Variants in EPOR observed in about 807,000 individuals in gnomAD.
EPOR encodes the protein erythropoietin receptor.
EPOR carries 20 observed loss-of-function variants against 34.3 expected under a neutral mutation model. That is an observed-to-expected ratio of 0.58 (90% confidence interval 0.41 to 0.85). The LOEUF (loss-of-function observed/expected upper bound fraction) is 0.85, where lower values mean the gene tolerates loss of function less well. Ranked by LOEUF, EPOR falls within the 40% of genes least tolerant of loss-of-function variation. The pLI is 0.00. For missense variants in EPOR, 601 were observed against 672.7 expected (o/e 0.89, Z 1.18); for synonymous variants, 312 against 299.0 (o/e 1.04, Z -0.45).
At position 11,383,022 on chromosome 19, in the gene EPOR, G is replaced by A. The variant is rs1395292203; in HGVS notation, c.251+75C>T. On this transcript the variant is annotated intron_variant, in intron 2 of 7. Coordinates refer to ENST00000222139, the MANE Select transcript of EPOR (RefSeq NM_000121.4). This position sits in a 1 kb window ranked among gnomAD's most constrained non-coding sequence, Gnocchi z 4.9. Reference sequence around the variant, plus strand: ...GGGCCTCAAACAGCAGGGGACATACGAGGCTACGACCTCCAGGGAGCTCTG... The same window carrying A: ...GGGCCTCAAACAGCAGGGGACATACAAGGCTACGACCTCCAGGGAGCTCTG... 6.2e-7 allele frequency: 1 copy of A among 1,608,020 alleles called. No individual in the cohort carries two copies. Among genetic ancestry groups the A allele is most frequent in the Non-Finnish European group, 8.5e-7 (1 of 1,179,412 alleles).
chr19:11,378,339 C>G lies in EPOR; in HGVS notation c.1172G>C (p.Ser391Thr). Residue 391 changes from serine (S) to threonine (T), a missense_variant, in exon 8 of 8, where the codon AGT becomes ACT. Transcript: ENST00000222139. This position sits in a 1 kb window ranked among gnomAD's most constrained non-coding sequence, Gnocchi z 5.3. ...TTCATCCATGGCCACTATGTCCACA[C>G]TGCCACCAGGCCCTGGGAGGTCCTC... ...PSEDLPGPGG[S>T]VDIVAMDEGS... is the part of the protein sequence containing the mutation. The G allele has an allele frequency of 6.2e-7, 1 of 1,613,444 alleles. No homozygotes were observed. The highest frequency in any genetic ancestry group is 8.5e-7 in the Non-Finnish European group (1 of 1,180,030).
In EPOR at chr19:11,377,463, G is replaced by A. The variant is rs1385280137; in HGVS notation, c.*521C>T. 1 of 454,088 alleles carries A rather than the reference G, an allele frequency of 2.2e-6. No homozygotes were observed. The highest frequency in any genetic ancestry group is 2.3e-5 in the Admixed American group (1 of 42,568). 28.1% of individuals were successfully genotyped at this position (454,088 alleles called of 1,614,324 possible). A position where few individuals can be genotyped will look rare whatever the true frequency, so the allele number is the denominator to read the frequency against. ...TGCTGACTGGCAGTTTGTAGAACAG[G>A]GGATCCATCTAAGTACCCTAAGAGA... On this transcript the variant is annotated 3_prime_UTR_variant, in exon 8 of 8. Transcript: ENST00000222139.
rs1968305422 is a variant in EPOR, at chr19:11,378,050, G to A, written c.1461C>T (p.Asn487=). The change falls in exon 8 of 8, where the codon AAC becomes AAT. Residue 487 remains asparagine, a synonymous_variant. Coordinates refer to ENST00000222139, the MANE Select transcript of EPOR (RefSeq NM_000121.4). This position sits in a 1 kb window ranked among gnomAD's most constrained non-coding sequence, Gnocchi z 5.3. The part of the protein sequence containing the change: ...QGGLSDGPYS[N]PYENSLIPAA... Reference sequence around the variant, plus strand: ...CTGGGATAAGGCTGTTCTCATAAGGGTTGGAGTAGGGGCCATCGGATAAGC... The same window carrying A: ...CTGGGATAAGGCTGTTCTCATAAGGATTGGAGTAGGGGCCATCGGATAAGC... 6.2e-7 allele frequency: 1 copy of A among 1,614,188 alleles called. No homozygotes were observed. Among genetic ancestry groups the A allele is most frequent in the Non-Finnish European group, 8.5e-7 (1 of 1,180,026 alleles).
At position 11,381,578 on chromosome 19, in the gene EPOR, G is replaced by C; in HGVS notation, c.585+114C>G. The C allele has an allele frequency of 2.8e-6, 3 of 1,080,620 alleles. No homozygotes were observed. The highest frequency in any genetic ancestry group is 4.0e-6 in the Non-Finnish European group (3 of 744,974). 66.9% of individuals were successfully genotyped at this position (1,080,620 alleles called of 1,614,324 possible). On this transcript the variant is annotated intron_variant, in intron 4 of 7. Coordinates refer to ENST00000222139, the MANE Select transcript of EPOR (RefSeq NM_000121.4). The surrounding 1 kb of genome is among the most constrained non-coding windows in gnomAD (Gnocchi z 5.3). ...ACGGTCTTCAGCACCAGGGTAATGGGATGTGGGATGTTACGGACCGGCCCT... is the reference window on the plus strand; with the variant it reads ...ACGGTCTTCAGCACCAGGGTAATGGCATGTGGGATGTTACGGACCGGCCCT...
At position 11,377,856 on chromosome 19, in the gene EPOR, A is replaced by G. The variant is rs1432441573; in HGVS notation, c.*128T>C. Reference sequence around the variant, plus strand: ...GGTTGTGGTTTCCTGAGCAGGATGGATTGGGCAGACAAAATCAGCAATGCC... The same window carrying G: ...GGTTGTGGTTTCCTGAGCAGGATGGGTTGGGCAGACAAAATCAGCAATGCC... On this transcript the variant is annotated 3_prime_UTR_variant, in exon 8 of 8. Coordinates refer to ENST00000222139, the MANE Select transcript of EPOR (RefSeq NM_000121.4). 1 of 1,145,166 alleles carries G rather than the reference A, an allele frequency of 8.7e-7. No individual in the cohort carries two copies. Among genetic ancestry groups the G allele is most frequent in the South Asian group, 1.2e-5 (1 of 81,222 alleles). 70.9% of individuals were successfully genotyped at this position (1,145,166 alleles called of 1,614,324 possible). A position where few individuals can be genotyped will look rare whatever the true frequency, so the allele number is the denominator to read the frequency against.
rs869111819 is a variant in EPOR, at chr19:11,382,361, C to CTTT, written c.252-259_252-257dup. ...GACCACAGGCACGCGCCACGCCTGG[C>CTTT]TTTTTTTTTTTTTTTTTTTGAGACG... On this transcript the variant is annotated intron_variant, in intron 2 of 7. Transcript: ENST00000222139. Among the ~76,000 whole-genome samples, 30 of 124,886 alleles carry CTTT rather than the reference C, an allele frequency of 2.4e-4. 1 individual carries two copies. Among genetic ancestry groups the CTTT allele is most frequent in the African/African-American group, 7.6e-4 (24 of 31,748 alleles). The allele number at this position is 124,886 out of a possible 152,430, so 81.9% of individuals were successfully genotyped here.
chr19:11,381,550 G>T lies in EPOR; in HGVS notation c.585+142C>A. On this transcript the variant is annotated intron_variant, in intron 4 of 7. Coordinates refer to ENST00000222139, the MANE Select transcript of EPOR (RefSeq NM_000121.4). This position sits in a 1 kb window ranked among gnomAD's most constrained non-coding sequence, Gnocchi z 5.3. ...GGAAAGGGGGTGTGTCTGTGGGCGT[G>T]GAACGGTCTTCAGCACCAGGGTAAT... 1 of 868,270 alleles carries T rather than the reference G, an allele frequency of 1.2e-6. No individual in the cohort carries two copies. The highest frequency in any genetic ancestry group is 1.8e-6 in the Non-Finnish European group (1 of 568,226). 53.8% of individuals were successfully genotyped at this position (868,270 alleles called of 1,614,324 possible). A position where few individuals can be genotyped will look rare whatever the true frequency, so the allele number is the denominator to read the frequency against.
Position 11,383,308 on chromosome 19 carries a change from C to T in EPOR, c.116-76G>A. ...GGAGACAGCCCCCTCCTCTTCCCTC[C>T]CGCAGCCTGGGCGGACCCGATAAGA... On this transcript the variant is annotated intron_variant, in intron 1 of 7. Transcript: ENST00000222139. This position sits in a 1 kb window ranked among gnomAD's most constrained non-coding sequence, Gnocchi z 4.9. 1 of 1,422,680 alleles carries T rather than the reference C, an allele frequency of 7.0e-7. No individual in the cohort carries two copies. Among genetic ancestry groups the T allele is most frequent in the South Asian group, 1.4e-5 (1 of 72,748 alleles). 88.1% of individuals were successfully genotyped at this position (1,422,680 alleles called of 1,614,324 possible).
chr19:11,378,923 C>T lies in EPOR; in HGVS notation c.828-145G>A, dbSNP rs1397765003. 3.5e-6 allele frequency: 3 copies of T among 847,990 alleles called. No individual in the cohort carries two copies. In the East Asian group the frequency reaches 7.9e-5, roughly 22 times the overall value. The allele number at this position is 847,990 out of a possible 1,614,324, so 52.5% of individuals were successfully genotyped here. A position where few individuals can be genotyped will look rare whatever the true frequency, so the allele number is the denominator to read the frequency against. ...AGAGGAGTACATCAGGGCCAGGGGA[C>T]AGGGGTTTTGGCTGAAGCATCAGCA... On this transcript the variant is annotated intron_variant, in intron 6 of 7. Transcript: ENST00000222139. This position sits in a 1 kb window ranked among gnomAD's most constrained non-coding sequence, Gnocchi z 5.3.
Position 11,378,240 on chromosome 19 carries a change from A to T in EPOR, c.1271T>A (p.Phe424Tyr). ...PSPEGASAAS[F>Y]EYTILDPSSQ... Reference sequence around the variant, plus strand: ...GCTGGGGTCCAGGATAGTGTACTCAAAGCTGGCAGCAGAGGCTCCCTCTGG... The same window carrying T: ...GCTGGGGTCCAGGATAGTGTACTCATAGCTGGCAGCAGAGGCTCCCTCTGG... Residue 424 changes from phenylalanine (F) to tyrosine (Y), a missense_variant, in exon 8 of 8, where the codon TTT (phenylalanine) becomes TAT (tyrosine). By Grantham distance (22) the Phe-to-Tyr change is conservative. Transcript: ENST00000222139. The surrounding 1 kb of genome is among the most constrained non-coding windows in gnomAD (Gnocchi z 5.3). 6.2e-7 allele frequency: 1 copy of T among 1,614,152 alleles called. No homozygotes were observed. The highest frequency in any genetic ancestry group is 8.5e-7 in the Non-Finnish European group (1 of 1,180,026).
intron 1 of EPOR, 57 bp downstream of exon 1, chr19:11,384,036 G>T (rs1340704444): frequency 1.7e-6 from 2 of 1,189,988 alleles, no homozygotes; most frequent in East Asian, 2.6e-5. Flanking sequence ...GGGAGTTCAG[G>T]CCCCAGCATG....
rs887577521 is a variant in EPOR at position 11,381,547 on chromosome 19, C to A, written c.585+145G>T. 24 of 833,124 alleles carry A rather than the reference C, an allele frequency of 2.9e-5. No homozygotes were observed. Among genetic ancestry groups the A allele is most frequent in the Non-Finnish European group, 4.3e-5 (23 of 536,912 alleles). 51.6% of individuals were successfully genotyped at this position (833,124 alleles called of 1,614,324 possible). A position where few individuals can be genotyped will look rare whatever the true frequency, so the allele number is the denominator to read the frequency against. On this transcript the variant is annotated intron_variant, in intron 4 of 7. Coordinates refer to ENST00000222139, the MANE Select transcript of EPOR (RefSeq NM_000121.4). The surrounding 1 kb of genome is among the most constrained non-coding windows in gnomAD (Gnocchi z 5.3). ...TTAGGAAAGGGGGTGTGTCTGTGGG[C>A]GTGGAACGGTCTTCAGCACCAGGGT...
rs374306024 is a variant in EPOR, at chr19:11,381,310, T to C, written c.586-101A>G. The C allele has an allele frequency of 1.5e-6, 2 of 1,336,406 alleles. No individual in the cohort carries two copies. Among genetic ancestry groups the C allele is most frequent in the Non-Finnish European group, 1.0e-6 (1 of 960,522 alleles). The allele number at this position is 1,336,406 out of a possible 1,614,324, so 82.8% of individuals were successfully genotyped here. A position where few individuals can be genotyped will look rare whatever the true frequency, so the allele number is the denominator to read the frequency against. On this transcript the variant is annotated intron_variant, in intron 4 of 7. Transcript: ENST00000222139. The surrounding 1 kb of genome is among the most constrained non-coding windows in gnomAD (Gnocchi z 5.3). ...AGCCAATCAGGGGAAAGGAAAACGGTGCCCTAGAATTGCAATGGGACCAAT... is the reference window on the plus strand; with the variant it reads ...AGCCAATCAGGGGAAAGGAAAACGGCGCCCTAGAATTGCAATGGGACCAAT...
Position 11,378,068 on chromosome 19 carries a change from G to A in EPOR, c.1443C>T (p.Ser481=), listed in dbSNP as rs765969338. 7 of 1,613,990 alleles carry A rather than the reference G, an allele frequency of 4.3e-6. No homozygotes were observed. The highest frequency in any genetic ancestry group is 2.2e-5 in the South Asian group (2 of 91,086). ...GDSQGAQGGL[S]DGPYSNPYEN... ...CATAAGGGTTGGAGTAGGGGCCATCGGATAAGCCCCCTTGGGCTCCCTGGG... is the reference window on the plus strand; with the variant it reads ...CATAAGGGTTGGAGTAGGGGCCATCAGATAAGCCCCCTTGGGCTCCCTGGG... Residue 481 remains serine, a synonymous_variant, in exon 8 of 8, where the codon TCC becomes TCT. Transcript: ENST00000222139. The surrounding 1 kb of genome is among the most constrained non-coding windows in gnomAD (Gnocchi z 5.3).
rs1170061203 is a variant in EPOR at position 11,384,132 on chromosome 19, G to A, written c.76C>T (p.Pro26Ser). Residue 26 changes from proline (P) to serine (S), a missense_variant, in exon 1 of 8, where the codon CCC becomes TCC. By Grantham distance (74) the Pro-to-Ser change is moderately conservative (BLOSUM62 -1). Coordinates refer to ENST00000222139, the MANE Select transcript of EPOR (RefSeq NM_000121.4). ...CLLLAGAAWA[P>S]PPNLPDPKFE... is the part of the protein sequence containing the mutation. ...TTGGGGTCCGGGAGGTTAGGCGGGG[G>A]CGCCCAGGCGGCCCCAGCGAGCAGG... is the stretch of plus-strand genomic sequence containing the variant. 1.2e-5 allele frequency: 19 copies of A among 1,550,168 alleles called. No individual in the cohort carries two copies. The East Asian group carries it at 4.4e-4, about 36-fold the overall frequency.
In EPOR at chr19:11,377,208, T is replaced by C. The variant is rs553452571; in HGVS notation, c.*776A>G. On this transcript the variant is annotated 3_prime_UTR_variant, in exon 8 of 8. Transcript: ENST00000222139. ...CAGAGTACTTTCTTAGAACATGGCCTGATTCAGAATTACTTTTATTATTAT... is the reference window on the plus strand; with the variant it reads ...CAGAGTACTTTCTTAGAACATGGCCCGATTCAGAATTACTTTTATTATTAT... 4.4e-6 allele frequency: 2 copies of C among 452,320 alleles called. No homozygotes were observed. Among genetic ancestry groups the C allele is most frequent in the East Asian group, 1.4e-4 (2 of 14,360 alleles). 28.0% of individuals were successfully genotyped at this position (452,320 alleles called of 1,614,324 possible). A position where few individuals can be genotyped will look rare whatever the true frequency, so the allele number is the denominator to read the frequency against.
At position 11,378,174 on chromosome 19, in the gene EPOR, G is replaced by A. The variant is rs202047325; in HGVS notation, c.1337C>T (p.Pro446Leu). 1.9e-6 allele frequency: 3 copies of A among 1,614,092 alleles called. No homozygotes were observed. The highest frequency in any genetic ancestry group is 3.3e-5 in the Admixed American group (2 of 60,000). The change falls in exon 8 of 8, where the codon CCC becomes CTC. Residue 446 changes from proline (P) to leucine (L), a missense_variant. Coordinates refer to ENST00000222139, the MANE Select transcript of EPOR (RefSeq NM_000121.4). This position sits in a 1 kb window ranked among gnomAD's most constrained non-coding sequence, Gnocchi z 5.3. ...GTACTTTAGGTGGGGTGGGGTAGGG[G>A]GCAGCTCAGGGCACAGTGTCCATGG... Reference protein sequence around the residue: ...LRPWTLCPELPPTPPHLKYLY... With the variant: ...LRPWTLCPELLPTPPHLKYLY...
In EPOR at chr19:11,381,210, C is replaced by CT. The variant is rs1396298724; in HGVS notation, c.586-2dup. 3.9e-6 allele frequency: 6 copies of CT among 1,549,242 alleles called. No individual in the cohort carries two copies. The African/African-American group carries it at 4.1e-5, about 11-fold the overall frequency. ...CGGTGCGGCCCTCCAGGATCTCCACCTGGGGGCGGAATCAGGGCGAGGGAC... is the reference window on the plus strand; with the variant it reads ...CGGTGCGGCCCTCCAGGATCTCCACCTTGGGGGCGGAATCAGGGCGAGGGAC... On this transcript the variant is annotated splice_acceptor_variant, in intron 4 of 7. Coordinates refer to ENST00000222139, the MANE Select transcript of EPOR (RefSeq NM_000121.4). LOFTEE classifies it high-confidence loss of function. The surrounding 1 kb of genome is among the most constrained non-coding windows in gnomAD (Gnocchi z 5.3).
In EPOR at chr19:11,384,272, C is replaced by T. The variant is rs1968406238; in HGVS notation, c.-65G>A. ...CTCCGTCCCCCGCCCCCGGCACAGT[C>T]CACAGCTGGGTCAGCAGCTGCCTCC... is the stretch of plus-strand genomic sequence containing the variant. On this transcript the variant is annotated 5_prime_UTR_variant, in exon 1 of 8. Transcript: ENST00000222139. 8.8e-7 allele frequency: 1 copy of T among 1,137,774 alleles called. No individual in the cohort carries two copies. The highest frequency in any genetic ancestry group is 1.3e-6 in the Non-Finnish European group (1 of 783,460). The allele number at this position is 1,137,774 out of a possible 1,614,324, so 70.5% of individuals were successfully genotyped here. A position where few individuals can be genotyped will look rare whatever the true frequency, so the allele number is the denominator to read the frequency against.
Sources: allele counts gnomAD v4.1 joint callset (sites outside exome capture counted in the v4.1 genomes callset), GRCh38; gene constraint gnomAD v4.1.1; non-coding constraint Gnocchi (gnomAD v3.1); transcripts MANE v1.5; gene names NCBI Gene and HGNC (gene_info 2026-07-23, HGNC 2026-07-21).